The following PCDHA1 variants were observed in gnomAD, a reference collection of about 807,000 sequenced individuals.
The protein encoded by PCDHA1 is protocadherin alpha 1, also known as protocadherin alpha-1.
Under a neutral mutation model 61.3 loss-of-function variants are expected in PCDHA1, and 42 were observed. The observed-to-expected ratio is 0.69, with a 90% CI of 0.54 to 0.89. The LOEUF (loss-of-function observed/expected upper bound fraction) is 0.89. Among genes scored for constraint, PCDHA1 ranks in the 40% least tolerant of loss-of-function variants. PCDHA1 has a pLI of 0.00. For missense variants in PCDHA1, 1,256 were observed against 1,235.3 expected, an observed-to-expected ratio of 1.02 and a Z score of -0.25; for synonymous variants, 610 against 553.8, an observed-to-expected ratio of 1.10 and a Z score of -1.43.
At chr5:140,866,236 C>T (rs1554160132) in intron 1 of PCDHA1, 1 of 152,026 alleles carries the variant, frequency 6.6e-6, no homozygotes, top group East Asian at 1.9e-4. Context: ...ATACTATATA[C>T]CAAAAATGAC....
chr5:140,881,886 C>G (rs2058857922), intron 1 of PCDHA1, among the ~76,000 whole-genome samples: 1 of 152,170 alleles, frequency 6.6e-6, no homozygotes, highest in African/African-American at 2.4e-5. Flanking sequence ...AACTCATCAA[C>G]CAATTGTCAG....
intron 1 of PCDHA1, among the ~76,000 whole-genome samples, chr5:140,874,496 T>G (rs1352627184): frequency 3.9e-5 from 6 of 152,214 alleles, no homozygotes; most frequent in African/African-American, 1.4e-4. Context: ...TGATATCAAG[T>G]TCACATTCTC....
At chr5:140,962,414 C>T (rs2095681226) in intron 1 of PCDHA1, among the ~76,000 whole-genome samples, 1 of 152,166 alleles carries the variant, frequency 6.6e-6, no homozygotes, top group African/African-American at 2.4e-5. Context: ...CCTGTCTCTC[C>T]CTTTTTATTG....
chr5:140,883,747 G>A (rs781812387), intron 1 of PCDHA1: 5 of 1,613,274 alleles, frequency 3.1e-6, no homozygotes, highest in South Asian at 2.2e-5. Context: ...TCTCCTACTC[G>A]CTGGTGGAGC....
chr5:140,968,886 A>T, intron 1 of PCDHA1: 1 of 1,614,186 alleles, frequency 6.2e-7, no homozygotes, highest in Non-Finnish European at 8.5e-7. Flanking sequence ...ATTACCCTTT[A>T]TCTAATAATA....
At chr5:140,993,376 G>A (rs577656854) in intron 3 of PCDHA1, among the ~76,000 whole-genome samples, 6 of 151,752 alleles carry the variant, frequency 4.0e-5, no homozygotes, top group Non-Finnish European at 7.4e-5. Context: ...CCTCCCAGCC[G>A]GGTCCCTGAA....
chr5:140,796,552 C>G (rs1275067211), intron 1 of PCDHA1: 14 of 1,612,986 alleles, frequency 8.7e-6, no homozygotes, highest in African/African-American at 1.3e-5. Flanking sequence ...GGAAGTGGAG[C>G]TGCTGCAGTT....
At chr5:140,951,936 C>G (rs2153694375) in intron 1 of PCDHA1, among the ~76,000 whole-genome samples, 1 of 152,278 alleles carries the variant, frequency 6.6e-6, no homozygotes, top group Admixed American at 6.5e-5. Context: ...TCCCAAGATA[C>G]AGTGCGGGTA....
intron 1 of PCDHA1, among the ~76,000 whole-genome samples, chr5:140,963,550 A>G (rs1484541648): frequency 6.6e-6 from 1 of 152,202 alleles, no homozygotes; most frequent in Non-Finnish European, 1.5e-5. Context: ...TGATATAAAA[A>G]GGGGCTGTTT....
intron 1 of PCDHA1, among the ~76,000 whole-genome samples, chr5:140,931,040 A>G (rs2087258988): frequency 6.6e-6 from 1 of 152,242 alleles, no homozygotes; most frequent in South Asian, 2.1e-4. Flanking sequence ...GCTAGCAAGA[A>G]AAACTTCAAT....
intron 1 of PCDHA1, chr5:140,928,089 T>G: frequency 6.2e-7 from 1 of 1,614,192 alleles, no homozygotes; most frequent in Non-Finnish European, 8.5e-7. Context: ...GCCTGCTGAT[T>G]GATGGGCCCC....
At chr5:140,927,701 A>G (rs2084527211) in intron 1 of PCDHA1, 1 of 1,614,052 alleles carries the variant, frequency 6.2e-7, no homozygotes, top group South Asian at 1.1e-5. Context: ...GAAGTCCAGT[A>G]CTCCCTAAGC....
chr5:140,869,312 C>G (rs782161322), intron 1 of PCDHA1: 14 of 1,613,636 alleles, frequency 8.7e-6, no homozygotes, highest in Admixed American at 3.3e-5. Flanking sequence ...GCGTCCAAAA[C>G]ACATGGGGAC....
chr5:140,808,444 A>G (rs537741346), intron 1 of PCDHA1: 4 of 1,614,176 alleles, frequency 2.5e-6, no homozygotes, highest in South Asian at 2.2e-5. Context: ...AGAGCGTGTC[A>G]GCCTATGAGC....
chr5:140,820,237 T>C (rs2150106337), intron 1 of PCDHA1, among the ~76,000 whole-genome samples: 1 of 151,912 alleles, frequency 6.6e-6, no homozygotes, highest in Non-Finnish European at 1.5e-5. Flanking sequence ...ATAATAGAGA[T>C]AGTAAAAATC....
At chr5:140,917,238 G>A (rs144302098) in intron 1 of PCDHA1, among the ~76,000 whole-genome samples, 1 of 150,440 alleles carries the variant, frequency 6.6e-6, no homozygotes, top group Non-Finnish European at 1.5e-5. Flanking sequence ...TTAAATCTAG[G>A]TACTACGATT....
At chr5:140,830,385 C>A (rs2150185884) in intron 1 of PCDHA1, 12 of 1,614,120 alleles carry the variant, frequency 7.4e-6, no homozygotes, top group Non-Finnish European at 1.0e-5. Context: ...GAGGGCCCAC[C>A]CAAGATGGAT....
At chr5:140,852,920 C>T (rs1481418801) in intron 1 of PCDHA1, 1 of 758,850 alleles carries the variant, frequency 1.3e-6, no homozygotes, top group African/African-American at 1.9e-5. Context: ...GCTCTGTTGC[C>T]CAGGCTGGAG....
In PCDHA1 at chr5:140,787,064, A is replaced by G; in HGVS notation, c.774A>G (p.Gly258=). 1 of 1,614,216 alleles carries G rather than the reference A, an allele frequency of 6.2e-7. No homozygotes were observed. Among genetic ancestry groups the G allele is most frequent in the Admixed American group, 1.7e-5 (1 of 60,022 alleles). The part of the protein sequence containing the change: ...RVHLLETTAN[G]TLVTTLNASD... The stretch of plus-strand genomic sequence containing the variant: ...ACTTGTTAGAGACTACAGCAAATGG[A>G]ACATTAGTGACCACATTAAATGCCT... The change falls in exon 1 of 4, where the codon GGA becomes GGG. Residue 258 remains glycine, a synonymous_variant. Coordinates refer to ENST00000504120, the MANE Select transcript of PCDHA1 (RefSeq NM_018900.4).
Sources: allele counts gnomAD v4.1 joint callset (sites outside exome capture counted in the v4.1 genomes callset), GRCh38; gene constraint gnomAD v4.1.1; transcripts MANE v1.5; gene names NCBI Gene and HGNC (gene_info 2026-07-23, HGNC 2026-07-21).